The following DACH2 variants were observed in gnomAD, a reference collection of about 807,000 sequenced individuals.
DACH2 encodes the protein dachshund family transcription factor 2, also known as dachshund homolog 2.
In DACH2, 17 loss-of-function variants were observed where a neutral mutation model predicts 35.8. The ratio of observed to expected loss-of-function variants is 0.48; its 90% CI spans 0.33 to 0.71. The LOEUF (loss-of-function observed/expected upper bound fraction) is 0.71. Among genes scored for constraint, DACH2 ranks in the 30% least tolerant of loss-of-function variants. The pLI is 0.02. For missense variants in DACH2, 469 were observed against 472.7 expected (o/e 0.99, Z 0.07); for synonymous variants, 195 against 177.3 (o/e 1.10, Z -0.79).
At chrX:86,630,932 C>T (rs2040193998) in intron 3 of DACH2, among the ~76,000 whole-genome samples, 1 of 111,703 alleles carries the variant, frequency 9.0e-6, no homozygotes, top group Non-Finnish European at 1.9e-5. Context: ...GCAAGTGGAA[C>T]TTTAGCACAG....
At chrX:86,589,356 A>G (rs979698988) in intron 3 of DACH2, among the ~76,000 whole-genome samples, 1 of 110,910 alleles carries the variant, frequency 9.0e-6, no homozygotes, top group Non-Finnish European at 1.9e-5. Context: ...GCGAATGGAA[A>G]ATATTACCTC....
At chrX:86,473,052 A>G (rs760448399) in intron 2 of DACH2, among the ~76,000 whole-genome samples, 2 of 111,773 alleles carry the variant, frequency 1.8e-5, no homozygotes, top group African/African-American at 6.5e-5. Context: ...GTAGGTATAT[A>G]CATTTATGGG....
At position 86,705,819 on chromosome X, in the gene DACH2, T is replaced by C. The variant is rs760188332; in HGVS notation, c.932-8729T>C. Among the ~76,000 whole-genome samples, 29 of 111,678 alleles carry C rather than the reference T, an allele frequency of 2.6e-4. No homozygotes were observed. In the East Asian group the frequency reaches 7.9e-3, roughly 30 times the overall value. ...ATGCTTACCACAGCACAATTCACAA[T>C]TGCAAACATATGGAATCGACCTAAG... On this transcript the variant is annotated intron_variant, in intron 5 of 11. Transcript: ENST00000373125.
At chrX:86,700,823 A>G (rs1241777888) in intron 5 of DACH2, among the ~76,000 whole-genome samples, 4 of 111,800 alleles carry the variant, frequency 3.6e-5, no homozygotes, top group Non-Finnish European at 7.5e-5. Context: ...ATCTGAACAG[A>G]CCAATAATGA....
intron 5 of DACH2, among the ~76,000 whole-genome samples, chrX:86,702,475 T>G (rs1254250944): frequency 9.0e-6 from 1 of 110,762 alleles, no homozygotes; most frequent in Non-Finnish European, 1.9e-5. Context: ...AAAAGATCAG[T>G]TAAAGAAAAA....
chrX:86,321,127 T>C (rs2035007918), intron 1 of DACH2, among the ~76,000 whole-genome samples: 2 of 111,411 alleles, frequency 1.8e-5, no homozygotes, highest in Admixed American at 1.9e-4. Context: ...GAGCTTTAGA[T>C]TTTGAAACCC....
At chrX:86,272,355 A>G (rs180737177) in intron 1 of DACH2, among the ~76,000 whole-genome samples, 15 of 111,241 alleles carry the variant, frequency 1.3e-4, no homozygotes, top group Admixed American at 4.8e-4. Flanking sequence ...GAACAATGTC[A>G]AGATGACAAA....
chrX:86,570,872 A>C (rs1006328483), intron 3 of DACH2, among the ~76,000 whole-genome samples: 8 of 111,484 alleles, frequency 7.2e-5, no homozygotes, highest in African/African-American at 2.6e-4. Context: ...TATTTTACAA[A>C]GATTTTATCC....
At chrX:86,523,865 C>T (rs1449405015) in intron 3 of DACH2, among the ~76,000 whole-genome samples, 1 of 111,158 alleles carries the variant, frequency 9.0e-6, no homozygotes, top group Non-Finnish European at 1.9e-5. Flanking sequence ...GTCTCCTGAG[C>T]AGTATTGGGT....
rs956143384 is a variant in DACH2 at position 86,811,099 on chromosome X, A to G, written c.1241-1757A>G. On this transcript the variant is annotated intron_variant, in intron 7 of 11. Transcript: ENST00000373125. ...TTATTGAATTATTTAAGGTCAATAA[A>G]CAAATGCTCTTTTTAATATTTGGAT... Among the ~76,000 whole-genome samples the G allele has an allele frequency of 4.4e-5, 5 of 112,396 alleles. No individual in the cohort carries two copies. In the South Asian group the frequency reaches 1.8e-3, roughly 41 times the overall value.
intron 1 of DACH2, among the ~76,000 whole-genome samples, chrX:86,230,299 C>G (rs2032921786): frequency 9.0e-6 from 1 of 110,607 alleles, no homozygotes; most frequent in African/African-American, 3.3e-5. Context: ...TCCCTGCATC[C>G]CTGGGATGAA....
chrX:86,751,792 G>A (rs1165194203), intron 7 of DACH2, among the ~76,000 whole-genome samples: 1 of 111,768 alleles, frequency 8.9e-6, no homozygotes, highest in Non-Finnish European at 1.9e-5. Context: ...GCAGTCATAT[G>A]TTTATTGCGG....
At chrX:86,227,969 T>A (rs868186266) in intron 1 of DACH2, among the ~76,000 whole-genome samples, 1 of 110,680 alleles carries the variant, frequency 9.0e-6, no homozygotes, top group Non-Finnish European at 1.9e-5. Context: ...ATTATTTTTT[T>A]AATTTTATTT....
chrX:86,434,916 G>T (rs983569146), intron 2 of DACH2, among the ~76,000 whole-genome samples: 33 of 110,820 alleles, frequency 3.0e-4, no homozygotes, highest in African/African-American at 1.0e-3. Flanking sequence ...AAAAGCAGGA[G>T]AACGTGAGAG....
At chrX:86,817,826 C>T (rs368164258) in intron 11 of DACH2, among the ~76,000 whole-genome samples, 1 of 111,747 alleles carries the variant, frequency 8.9e-6, no homozygotes, top group East Asian at 2.8e-4. Flanking sequence ...ATGAAGTCTA[C>T]CAAGAATGGA....
chrX:86,443,460 T>TTATATG (rs2037205069), intron 2 of DACH2, among the ~76,000 whole-genome samples: 1 of 110,888 alleles, frequency 9.0e-6, no homozygotes, highest in Non-Finnish European at 1.9e-5. Context: ...CTATACTTTC[T>TTATATG]GCAAACATGG....
At chrX:86,578,743 T>G (rs1275084910) in intron 3 of DACH2, among the ~76,000 whole-genome samples, 1 of 111,664 alleles carries the variant, frequency 9.0e-6, no homozygotes, top group Non-Finnish European at 1.9e-5. Flanking sequence ...AGTGGGGGTT[T>G]TCTTGTGTAG....
chrX:86,420,496 C>T (rs1007674857), intron 2 of DACH2, among the ~76,000 whole-genome samples: 1 of 110,208 alleles, frequency 9.1e-6, no homozygotes, highest in Non-Finnish European at 1.9e-5. Context: ...CTAATAATAT[C>T]ATAGGTACTG....
intron 7 of DACH2, among the ~76,000 whole-genome samples, chrX:86,751,889 A>G (rs367553037): frequency 1.8e-5 from 2 of 112,007 alleles, no homozygotes; most frequent in African/African-American, 6.5e-5. Context: ...CATATACAAC[A>G]TGGAATATTA....
Sources: gnomAD v4.1 joint callset for allele counts (sites outside exome capture counted in the v4.1 genomes callset) on GRCh38, gnomAD v4.1.1 for gene constraint, MANE v1.5 for transcripts, NCBI Gene and HGNC (gene_info 2026-07-23, HGNC 2026-07-21) for gene names.